CPHXL2: variants seen among roughly 807,000 people sequenced by gnomAD.
The protein encoded by CPHXL2 is cytoplasmic polyadenylated homeobox like 2, also known as cytoplasmic polyadenylated homeobox-like protein 2.
At chr16:75,664,699 G>T in the CPHXL2 span, among the ~76,000 whole-genome samples, 1 of 151,810 alleles carries the variant, frequency 6.6e-6, no homozygotes, top group African/African-American at 2.4e-5. Context: ...TGGCAGCACT[G>T]AGAGGTGAGG....
the CPHXL2 span, among the ~76,000 whole-genome samples, chr16:75,675,353 A>G: frequency 1.3e-5 from 2 of 151,440 alleles, no homozygotes; most frequent in African/African-American, 4.8e-5. Context: ...TATATGCAAT[A>G]TTATAATATT....
chr16:75,666,807 C>T, the CPHXL2 span, among the ~76,000 whole-genome samples: 1 of 151,954 alleles, frequency 6.6e-6, no homozygotes, highest in South Asian at 2.1e-4. Flanking sequence ...GGAATTTTCT[C>T]CAAGATAGAC....
chr16:75,676,525 T>C, the CPHXL2 span, among the ~76,000 whole-genome samples: 2 of 152,280 alleles, frequency 1.3e-5, no homozygotes, highest in African/African-American at 4.8e-5. Context: ...TCTTGCTATG[T>C]TGCCTAGGCT....
chr16:75,665,977 CAT>C, the CPHXL2 span, among the ~76,000 whole-genome samples: 4 of 152,156 alleles, frequency 2.6e-5, no homozygotes, highest in Non-Finnish European at 4.4e-5. Context: ...CCACTTAAAA[CAT>C]ATGGAATTGC....
At chr16:75,674,042 G>A in the CPHXL2 span, among the ~76,000 whole-genome samples, 4 of 146,978 alleles carry the variant, frequency 2.7e-5, no homozygotes, top group South Asian at 2.2e-4. Context: ...TCAAAAAGAC[G>A]AAAATACTTA....
the CPHXL2 span, among the ~76,000 whole-genome samples, chr16:75,662,976 AT>A: frequency 4.0e-5 from 6 of 151,504 alleles, no homozygotes; most frequent in African/African-American, 1.2e-4. Context: ...TTTTTTTTGT[AT>A]TTTTAGTAGA....
chr16:75,668,392 C>T, the CPHXL2 span, among the ~76,000 whole-genome samples: 1 of 152,046 alleles, frequency 6.6e-6, no homozygotes, highest in African/African-American at 2.4e-5. Flanking sequence ...CCACTCCCGG[C>T]TAATTTTTGT....
chr16:75,674,865 A>G, the CPHXL2 span, among the ~76,000 whole-genome samples: 27 of 151,690 alleles, frequency 1.8e-4, no homozygotes, highest in African/African-American at 4.6e-4. Flanking sequence ...GCACGCCACC[A>G]TGCCTGACTA....
chr16:75,673,903 C>T, the CPHXL2 span, among the ~76,000 whole-genome samples: 1 of 150,494 alleles, frequency 6.6e-6, no homozygotes, highest in Admixed American at 6.6e-5. Flanking sequence ...TCACTTGAGC[C>T]TGGGAGGCGG....
At chr16:75,665,013 A>C in the CPHXL2 span, among the ~76,000 whole-genome samples, 1 of 152,218 alleles carries the variant, frequency 6.6e-6, no homozygotes, top group African/African-American at 2.4e-5. Context: ...TCTAAGCAAC[A>C]GAAAAGGCAC....
At chr16:75,665,848 G>A in the CPHXL2 span, among the ~76,000 whole-genome samples, 4 of 152,022 alleles carry the variant, frequency 2.6e-5, no homozygotes, top group Admixed American at 2.0e-4. Flanking sequence ...CTGGGCAACA[G>A]AGCAAGACTC....
chr16:75,665,492 C>A, the CPHXL2 span, among the ~76,000 whole-genome samples: 33 of 152,202 alleles, frequency 2.2e-4, no homozygotes, highest in Non-Finnish European at 4.7e-4. Context: ...GCTCTGAAAT[C>A]TTGAAATAAA....
the CPHXL2 span, among the ~76,000 whole-genome samples, chr16:75,667,466 A>G: frequency 2.6e-5 from 4 of 152,342 alleles, no homozygotes; most frequent in Admixed American, 2.0e-4. Flanking sequence ...ATAAATCTGC[A>G]CTATTACAGA....
chr16:75,672,928 C>A, the CPHXL2 span, among the ~76,000 whole-genome samples: 2 of 151,778 alleles, frequency 1.3e-5, no homozygotes, highest in Middle Eastern at 3.2e-3. Context: ...AAGCAAAAAA[C>A]AAATTAGCAT....
chr16:75,662,335 C>CTT, the CPHXL2 span, among the ~76,000 whole-genome samples: 172 of 126,758 alleles, frequency 1.4e-3, no homozygotes, highest in Non-Finnish European at 2.2e-3. Flanking sequence ...TCTTTCTTTT[C>CTT]TTTTTTTTTT....
chr16:75,665,523 A>G, the CPHXL2 span, among the ~76,000 whole-genome samples: 1 of 152,350 alleles, frequency 6.6e-6, no homozygotes, highest in African/African-American at 2.4e-5. Context: ...GCATCAAAAC[A>G]TAGCCTTTTA....
At chr16:75,660,770 G>C in the CPHXL2 span, 1 of 398,638 alleles carries the variant, frequency 2.5e-6, no homozygotes, top group East Asian at 3.6e-5. Flanking sequence ...CAGAAGATGG[G>C]GGAGGATGAA....
At chr16:75,663,742 C>T in the CPHXL2 span, among the ~76,000 whole-genome samples, 3 of 152,000 alleles carry the variant, frequency 2.0e-5, no homozygotes, top group African/African-American at 4.8e-5. Flanking sequence ...AAAAATTAGC[C>T]GGGCATGGTG....
the CPHXL2 span, among the ~76,000 whole-genome samples, chr16:75,666,516 G>A: frequency 6.6e-6 from 1 of 150,392 alleles, no homozygotes; most frequent in African/African-American, 2.4e-5. Flanking sequence ...GCTGAGGCAG[G>A]AGAATTGCTT....
Sources: gnomAD v4.1 joint callset for allele counts (sites outside exome capture counted in the v4.1 genomes callset) on GRCh38, gnomAD v4.1.1 for gene constraint, MANE v1.5 for transcripts, NCBI Gene and HGNC (gene_info 2026-07-23, HGNC 2026-07-21) for gene names.